The following TDRD7 variants were observed in gnomAD, a reference collection of about 807,000 sequenced individuals.
TDRD7 encodes the protein tudor domain-containing protein 7.
TDRD7 carries 47 observed loss-of-function variants against 109.8 expected under a neutral mutation model. The ratio of observed to expected loss-of-function variants is 0.43; its 90% CI spans 0.34 to 0.55. The LOEUF is 0.55. Ranked by LOEUF, TDRD7 falls within the 20% of genes least tolerant of loss-of-function variation. TDRD7 has a pLI of 0.03. For synonymous variants in TDRD7, 424 were observed against 457.3 expected (o/e 0.93, Z 0.93); for missense variants, 1,164 against 1,319.2 (o/e 0.88, Z 1.82).
At chr9:97,456,435 A>G (rs1164334560) in intron 6 of TDRD7, among the ~76,000 whole-genome samples, 1 of 152,230 alleles carries the variant, frequency 6.6e-6, no homozygotes, top group Non-Finnish European at 1.5e-5. Flanking sequence ...CTATACTACA[A>G]GGCTAGAGAA....
In TDRD7 at chr9:97,476,352, G is replaced by A. The variant is rs117520168; in HGVS notation, c.2166+883G>A. On this transcript the variant is annotated intron_variant, in intron 12 of 16. Transcript: ENST00000355295. The stretch of plus-strand genomic sequence containing the variant: ...CAGTTACGAACTTGAAGGGAGTTTT[G>A]TTGTGGTTTATCTTGCGTTTCTATA... Among the ~76,000 whole-genome samples, 1,172 of 152,140 alleles carry A rather than the reference G, an allele frequency of 7.7e-3. 7 individuals carry two copies. The highest frequency in any genetic ancestry group is 0.013 in the Non-Finnish European group (878 of 67,970).
chr9:97,429,216 T>A (rs1393751696), intron 2 of TDRD7, among the ~76,000 whole-genome samples: 2 of 152,186 alleles, frequency 1.3e-5, no homozygotes, highest in Non-Finnish European at 2.9e-5. Flanking sequence ...TATACCGTTT[T>A]AAATCCTTCT....
chr9:97,437,469 T>A (rs995584468), intron 4 of TDRD7, among the ~76,000 whole-genome samples: 1 of 152,152 alleles, frequency 6.6e-6, no homozygotes, highest in Non-Finnish European at 1.5e-5. Context: ...ACTAGCAAAG[T>A]TGAAATTAGA....
intron 3 of TDRD7, among the ~76,000 whole-genome samples, chr9:97,431,523 A>T (rs964915957): frequency 1.1e-4 from 16 of 152,330 alleles, no homozygotes; most frequent in African/African-American, 3.8e-4. Flanking sequence ...CCGAACACTT[A>T]TCTCAAGGAT....
chr9:97,431,737 G>T (rs1025343001), intron 3 of TDRD7, among the ~76,000 whole-genome samples: 1 of 152,180 alleles, frequency 6.6e-6, no homozygotes, highest in Admixed American at 6.6e-5. Flanking sequence ...CCAAGATATA[G>T]CTGAGTGTGC....
At chr9:97,454,637 A>G (rs968533005) in intron 6 of TDRD7, among the ~76,000 whole-genome samples, 4 of 152,252 alleles carry the variant, frequency 2.6e-5, no homozygotes, top group Non-Finnish European at 5.9e-5. Context: ...TTTGAAACAA[A>G]TAAGAACAAA....
At chr9:97,419,822 C>T (rs1017450916) in intron 1 of TDRD7, among the ~76,000 whole-genome samples, 1 of 152,056 alleles carries the variant, frequency 6.6e-6, no homozygotes, top group African/African-American at 2.4e-5. Context: ...TTCCCAGTAC[C>T]AGTAGACAGG....
chr9:97,474,194 C>T (rs895237570), intron 11 of TDRD7, among the ~76,000 whole-genome samples: 1 of 152,016 alleles, frequency 6.6e-6, no homozygotes, highest in Non-Finnish European at 1.5e-5. Context: ...TTTTCTGAAT[C>T]GAGCTCTGTA....
At chr9:97,443,997 TC>T (rs1828356443) in intron 6 of TDRD7, among the ~76,000 whole-genome samples, 1 of 152,186 alleles carries the variant, frequency 6.6e-6, no homozygotes, top group Admixed American at 6.5e-5. Flanking sequence ...GAAATTTTAA[TC>T]TTTGCTACTC....
intron 13 of TDRD7, chr9:97,480,571 G>A (rs1239022058): frequency 2.2e-6 from 1 of 459,612 alleles, no homozygotes; most frequent in Non-Finnish European, 4.1e-6. Context: ...TCATGCAGAA[G>A]TATTGTACGG....
chr9:97,463,447 T>C (rs2131153103), intron 7 of TDRD7, among the ~76,000 whole-genome samples: 1 of 150,206 alleles, frequency 6.7e-6, no homozygotes, highest in South Asian at 2.2e-4. Context: ...CTGCTGATAA[T>C]TACCAAGAAT....
chr9:97,484,653 G>A (rs1188152903), intron 15 of TDRD7, among the ~76,000 whole-genome samples: 1 of 152,020 alleles, frequency 6.6e-6, no homozygotes, highest in Non-Finnish European at 1.5e-5. Flanking sequence ...CTCTCATTTC[G>A]AAAAACATAC....
In TDRD7 at chr9:97,472,295, T is replaced by C. The variant is rs545420970; in HGVS notation, c.1744T>C (p.Leu582=). ...FQATKCKLAG[L]EVLSDDPDLV... is the part of the protein sequence containing the mutation. Reference sequence around the variant, plus strand: ...TTAAAAGATTCAATATTTTTCAGGCTTGGAAGTCCTAAGCGATGACCCTGA... The same window carrying C: ...TTAAAAGATTCAATATTTTTCAGGCCTGGAAGTCCTAAGCGATGACCCTGA... The change falls in exon 10 of 17, where the codon TTG becomes CTG. Residue 582 remains leucine (L), a splice_region_variant and synonymous_variant. Coordinates refer to ENST00000355295, the MANE Select transcript of TDRD7 (RefSeq NM_014290.3). 1.2e-6 allele frequency: 2 copies of C among 1,613,694 alleles called. No individual in the cohort carries two copies. The highest frequency in any genetic ancestry group is 1.7e-6 in the Non-Finnish European group (2 of 1,179,652).
chr9:97,464,126 C>A (rs1424581020), intron 7 of TDRD7, among the ~76,000 whole-genome samples: 2 of 152,216 alleles, frequency 1.3e-5, no homozygotes, highest in African/African-American at 4.8e-5. Flanking sequence ...CAAGATCCAG[C>A]ATCGACCCTC....
chr9:97,488,821 T>C (rs1226913339), intron 16 of TDRD7, among the ~76,000 whole-genome samples: 5 of 152,240 alleles, frequency 3.3e-5, no homozygotes, highest in Non-Finnish European at 7.3e-5. Context: ...TAAGTACAGC[T>C]TTGGCTGCAT....
intron 1 of TDRD7, among the ~76,000 whole-genome samples, chr9:97,425,618 A>AACACACAC (rs143439858): frequency 6.6e-6 from 1 of 151,318 alleles, no homozygotes; most frequent in Non-Finnish European, 1.5e-5. Flanking sequence ...TATACACACA[A>AACACACAC]ACACACACAC....
At position 97,477,885 on chromosome 9, in the gene TDRD7, C is replaced by G. The variant is rs1587890262; in HGVS notation, c.2167-554C>G. On this transcript the variant is annotated intron_variant, in intron 12 of 16. Transcript: ENST00000355295. ...AGAATTGGAGAAATAATAAATATTA[C>G]TATACTTATTTTACTGTTTATTGTC... Among the ~76,000 whole-genome samples the G allele has an allele frequency of 2.0e-5, 3 of 152,056 alleles. No individual in the cohort carries two copies. The East Asian group carries it at 5.8e-4, about 29-fold the overall frequency.
Position 97,460,571 on chromosome 9 carries a change from G to A in TDRD7, c.1249G>A (p.Ala417Thr), listed in dbSNP as rs764179156. 1 of 1,614,188 alleles carries A rather than the reference G, an allele frequency of 6.2e-7. No homozygotes were observed. Among genetic ancestry groups the A allele is most frequent in the Admixed American group, 1.7e-5 (1 of 60,026 alleles). Residue 417 changes from alanine (A) to threonine (T), a missense_variant, in exon 7 of 17, where the codon GCA becomes ACA. Coordinates refer to ENST00000355295, the MANE Select transcript of TDRD7 (RefSeq NM_014290.3). ...PLPTDKIQKD[A>T]GQAHGDNDIK... ...GCCCACTGACAAAATCCAAAAGGAT[G>A]CAGGGCAAGCACATGGTGATAATGA...
At chr9:97,479,277 A>T (rs1587891210) in intron 13 of TDRD7, among the ~76,000 whole-genome samples, 1 of 152,056 alleles carries the variant, frequency 6.6e-6, no homozygotes, top group African/African-American at 2.4e-5. Context: ...TCTCCCTCCC[A>T]TCACCATTGC....
Sources: gnomAD v4.1 joint callset for allele counts (sites outside exome capture counted in the v4.1 genomes callset) on GRCh38, gnomAD v4.1.1 for gene constraint, MANE v1.5 for transcripts, NCBI Gene and HGNC (gene_info 2026-07-23, HGNC 2026-07-21) for gene names.